Variants in ZNF385D observed in about 807,000 individuals in gnomAD.
The protein encoded by ZNF385D is zinc finger protein 659.
Under a neutral mutation model 35.8 loss-of-function variants are expected in ZNF385D, and 15 were observed. The ratio of observed to expected loss-of-function variants is 0.42; its 90% CI spans 0.28 to 0.64. The LOEUF is 0.64. Ranked by LOEUF, ZNF385D falls within the 30% of genes least tolerant of loss-of-function variation. ZNF385D has a pLI of 0.23. For missense variants in ZNF385D, 474 were observed against 494.6 expected (o/e 0.96, Z 0.39); for synonymous variants, 212 against 186.8 (o/e 1.13, Z -1.10).
rs1175349946 is a variant in ZNF385D, at chr3:22,372,545, G to A, written c.11C>T (p.Pro4Leu). 6 of 985,726 alleles carry A rather than the reference G, an allele frequency of 6.1e-6. No homozygotes were observed. In the East Asian group the frequency reaches 6.8e-4, roughly 112 times the overall value. The allele number at this position is 985,726 out of a possible 1,614,324, so 61.1% of individuals were successfully genotyped here. A position where few individuals can be genotyped will look rare whatever the true frequency, so the allele number is the denominator to read the frequency against. Residue 4 changes from proline to leucine, a missense_variant, in exon 2 of 6, where the codon CCA becomes CTA. Coordinates refer to the ZNF385D transcript ENST00000494108. ...CCTGCTGGCGGCCGCCCGGCGCCCT[G>A]GCCCTGGCATCCGGGAGGAGCAGCC... is the stretch of plus-strand genomic sequence containing the variant.
At chr3:21,984,546 C>T (rs1694695690) in intron 3 of ZNF385D, among the ~76,000 whole-genome samples, 1 of 122,716 alleles carries the variant, frequency 8.1e-6, no homozygotes, top group Non-Finnish European at 1.7e-5. Flanking sequence ...GGTACCAGTA[C>T]CATGCTGTTT....
chr3:22,162,023 T>C (rs1180564784), intron 3 of ZNF385D, among the ~76,000 whole-genome samples: 2 of 152,172 alleles, frequency 1.3e-5, no homozygotes, highest in East Asian at 3.9e-4. Flanking sequence ...GTAAGACTGT[T>C]GATTGGGATT....
At chr3:22,084,977 C>T (rs576190081) in intron 3 of ZNF385D, among the ~76,000 whole-genome samples, 13 of 151,940 alleles carry the variant, frequency 8.6e-5, no homozygotes, top group Admixed American at 5.3e-4. Context: ...GAATGACTAC[C>T]GGGTAAATAA....
chr3:21,769,093 CA>C (rs562255090), intron 3 of ZNF385D, among the ~76,000 whole-genome samples: 77 of 152,102 alleles, frequency 5.1e-4, no homozygotes, highest in African/African-American at 1.8e-3. Flanking sequence ...TGAATTTTGT[CA>C]AAGGCCCTTT....
intron 3 of ZNF385D, among the ~76,000 whole-genome samples, chr3:22,130,012 G>A (rs1189890010): frequency 1.3e-5 from 2 of 152,052 alleles, no homozygotes; most frequent in African/African-American, 4.8e-5. Flanking sequence ...CAAGGCTCAA[G>A]GATTCTTAAG....
chr3:22,149,108 G>A (rs149357228), intron 3 of ZNF385D, among the ~76,000 whole-genome samples: 1 of 152,180 alleles, frequency 6.6e-6, no homozygotes, highest in Non-Finnish European at 1.5e-5. Context: ...AGAAATGCAG[G>A]ATCTCATACG....
intron 2 of ZNF385D, among the ~76,000 whole-genome samples, chr3:22,218,784 G>A (rs1299121410): frequency 2.0e-5 from 3 of 151,912 alleles, no homozygotes; most frequent in Non-Finnish European, 4.4e-5. Context: ...GTTGTTCATT[G>A]CCTTCAAGAA....
intron 2 of ZNF385D, among the ~76,000 whole-genome samples, chr3:22,258,912 G>A (rs1042004850): frequency 6.6e-6 from 1 of 151,676 alleles, no homozygotes; most frequent in African/African-American, 2.4e-5. Flanking sequence ...TGAAGTTTAT[G>A]GAGAAAAAAC....
chr3:22,174,803 T>A (rs1029474307), intron 2 of ZNF385D, among the ~76,000 whole-genome samples: 6 of 152,078 alleles, frequency 3.9e-5, no homozygotes, highest in Non-Finnish European at 5.9e-5. Flanking sequence ...AAATTACAAG[T>A]TTATTTGGTA....
chr3:21,564,547 TA>T, intron 3 of ZNF385D, 26 bp downstream of exon 3: 1 of 1,308,576 alleles, frequency 7.6e-7, no homozygotes, highest in Non-Finnish European at 1.0e-6. Context: ...TTTTTTTTTT[TA>T]AGTGAACACT....
At chr3:21,581,370 C>T (rs1031433690) in intron 2 of ZNF385D, among the ~76,000 whole-genome samples, 1 of 152,134 alleles carries the variant, frequency 6.6e-6, no homozygotes. Flanking sequence ...AAAGCTAATA[C>T]AGTCCTTCAA....
At chr3:22,286,794 CAT>C (rs1702046925) in intron 2 of ZNF385D, among the ~76,000 whole-genome samples, 1 of 152,066 alleles carries the variant, frequency 6.6e-6, no homozygotes, top group South Asian at 2.1e-4. Context: ...TGTGGCTTAA[CAT>C]ATGATCTTTT....
chr3:21,788,297 G>C lies in ZNF385D; in HGVS notation c.326-123269C>G, dbSNP rs142913966. On this transcript the variant is annotated intron_variant, in intron 3 of 5. Transcript: ENST00000494108. Reference sequence around the variant, plus strand: ...AGTTGGAGACCAGCCTGGCCAATGCGGGGAAACCCCGTTTCTACTAAAAAT... The same window carrying C: ...AGTTGGAGACCAGCCTGGCCAATGCCGGGAAACCCCGTTTCTACTAAAAAT... Among the ~76,000 whole-genome samples the C allele has an allele frequency of 9.9e-3, 1,504 of 152,280 alleles. 70 individuals carry two copies. Among genetic ancestry groups the C allele is most frequent in the Admixed American group, 0.08 (1,230 of 15,304 alleles).
chr3:21,423,979 G>T lies in ZNF385D; in HGVS notation c.938C>A (p.Thr313Lys). 1 of 1,608,710 alleles carries T rather than the reference G, an allele frequency of 6.2e-7. No individual in the cohort carries two copies. Among genetic ancestry groups the T allele is most frequent in the Non-Finnish European group, 8.5e-7 (1 of 1,178,318 alleles). Reference protein sequence around the residue: ...KYSPYNKLQKTAHPLGVKLVF... With the variant: ...KYSPYNKLQKKAHPLGVKLVF... ...GACACTCACCCCCAGTGGATGTGCTGTCTTCTGTAGTTTGTTGTAAGGACT... is the reference window on the plus strand; with the variant it reads ...GACACTCACCCCCAGTGGATGTGCTTTCTTCTGTAGTTTGTTGTAAGGACT... The change falls in exon 7 of 8, where the codon ACA becomes AAA. Residue 313 changes from threonine to lysine, a missense_variant. Physicochemically the swap from Thr to Lys is moderately conservative, Grantham distance 78. Transcript: ENST00000281523.
At chr3:21,564,517 A>G in intron 3 of ZNF385D, 57 bp downstream of exon 3, 8 of 1,144,140 alleles carry the variant, frequency 7.0e-6, no homozygotes, top group Non-Finnish European at 9.7e-6. Flanking sequence ...CTCCTGCAAG[A>G]TTAGAACAGC....
rs953085414 is a variant in ZNF385D, at chr3:22,324,333, A to G, written c.106+48117T>C. On this transcript the variant is annotated intron_variant, in intron 2 of 5. Transcript: ENST00000494108. Reference sequence around the variant, plus strand: ...TTAAGCAGTAGAACAACAACACACAATATTTAGGAAACAAAATCTACTAGA... The same window carrying G: ...TTAAGCAGTAGAACAACAACACACAGTATTTAGGAAACAAAATCTACTAGA... 2.6e-5 allele frequency among the ~76,000 whole-genome samples: 4 copies of G among 152,154 alleles called. No individual in the cohort carries two copies. The East Asian group carries it at 7.7e-4, about 29-fold the overall frequency.
intron 2 of ZNF385D, among the ~76,000 whole-genome samples, chr3:22,290,846 A>G (rs1702265292): frequency 6.6e-6 from 1 of 152,140 alleles, no homozygotes; most frequent in Admixed American, 6.6e-5. Flanking sequence ...ATGTCATCCT[A>G]CATGCGGGGG....
chr3:22,336,570 G>A (rs528570824), intron 2 of ZNF385D, among the ~76,000 whole-genome samples: 1 of 151,738 alleles, frequency 6.6e-6, no homozygotes, highest in Non-Finnish European at 1.5e-5. Flanking sequence ...TTTTTATCTT[G>A]TCACATCTGA....
At chr3:21,762,770 G>A (rs901950883) in intron 3 of ZNF385D, among the ~76,000 whole-genome samples, 1 of 152,108 alleles carries the variant, frequency 6.6e-6, no homozygotes, top group Non-Finnish European at 1.5e-5. Flanking sequence ...CAAGGTTTTG[G>A]CCCTTGGTCG....
Sources: allele counts gnomAD v4.1 joint callset (sites outside exome capture counted in the v4.1 genomes callset), GRCh38; gene constraint gnomAD v4.1.1; transcripts MANE v1.5; gene names NCBI Gene and HGNC (gene_info 2026-07-23, HGNC 2026-07-21).